The following LAMA2 variants were observed in gnomAD, a reference collection of about 807,000 sequenced individuals.
LAMA2 encodes laminin subunit alpha-2.
Under a neutral mutation model 364.8 loss-of-function variants are expected in LAMA2, and 269 were observed. The observed-to-expected ratio is 0.74, with a 90% CI of 0.67 to 0.82. The LOEUF is 0.82. Ranked by LOEUF, LAMA2 falls within the 40% of genes least tolerant of loss-of-function variation. The probability of loss-of-function intolerance (pLI) is 0.00; values close to 1 mark genes in which losing one functional copy is unlikely to be tolerated. For synonymous variants in LAMA2, 1,379 were observed against 1,370.6 expected (o/e 1.01, Z -0.14); for missense variants, 3,807 against 3,873.2 (o/e 0.98, Z 0.45).
intron 40 of LAMA2, among the ~76,000 whole-genome samples, chr6:129,419,254 T>C (rs1455131834): frequency 6.6e-6 from 1 of 152,118 alleles, no homozygotes; most frequent in Non-Finnish European, 1.5e-5. Flanking sequence ...GCAATCTAAG[T>C]TTGATCTAAT....
intron 1 of LAMA2, among the ~76,000 whole-genome samples, chr6:128,989,854 C>T (rs949693483): frequency 6.6e-6 from 1 of 152,120 alleles, no homozygotes; most frequent in African/African-American, 2.4e-5. Context: ...ATTCAGTGTC[C>T]AGTGAGTACC....
intron 18 of LAMA2, among the ~76,000 whole-genome samples, chr6:129,282,237 T>A (rs576540728): frequency 6.6e-6 from 1 of 152,332 alleles, no homozygotes; most frequent in Admixed American, 6.5e-5. Flanking sequence ...AATTAAGAAA[T>A]CTGTTCAATT....
At chr6:129,033,217 TA>T (rs56962805) in intron 1 of LAMA2, among the ~76,000 whole-genome samples, 9,996 of 140,038 alleles carry the variant, frequency 0.071, 968 homozygotes, top group African/African-American at 0.22. Context: ...TAGTTACTGA[TA>T]AAAAAAAAAA....
chr6:129,428,507 T>G (rs1040593555), intron 41 of LAMA2, among the ~76,000 whole-genome samples: 1 of 152,178 alleles, frequency 6.6e-6, no homozygotes, highest in Non-Finnish European at 1.5e-5. Flanking sequence ...CAGGCTGGAG[T>G]GCAGTGGTGC....
At chr6:129,284,289 G>A (rs920963204) in intron 18 of LAMA2, among the ~76,000 whole-genome samples, 1 of 151,878 alleles carries the variant, frequency 6.6e-6, no homozygotes, top group Non-Finnish European at 1.5e-5. Context: ...TCCTCCATCC[G>A]AGACTAACTA....
At chr6:129,392,351 A>G (rs888620605) in intron 36 of LAMA2, among the ~76,000 whole-genome samples, 8 of 152,202 alleles carry the variant, frequency 5.3e-5, no homozygotes, top group Admixed American at 4.6e-4. Flanking sequence ...AACTTGTTAA[A>G]AATACAGATT....
chr6:129,111,890 C>G (rs540434545), intron 4 of LAMA2, among the ~76,000 whole-genome samples: 1 of 152,030 alleles, frequency 6.6e-6, no homozygotes, highest in East Asian at 1.9e-4. Flanking sequence ...TTGTAAGGAA[C>G]TACATGAAAG....
intron 1 of LAMA2, among the ~76,000 whole-genome samples, chr6:128,950,016 T>C (rs1213322805): frequency 6.6e-6 from 1 of 152,206 alleles, no homozygotes; most frequent in Non-Finnish European, 1.5e-5. Context: ...TAAACAAATA[T>C]ATGTAAATAC....
intron 12 of LAMA2, among the ~76,000 whole-genome samples, chr6:129,196,647 G>A (rs766047504): frequency 6.6e-5 from 10 of 152,030 alleles, no homozygotes; most frequent in African/African-American, 1.2e-4. Flanking sequence ...ACCCCTCCTC[G>A]CCATCCATAA....
intron 4 of LAMA2, among the ~76,000 whole-genome samples, chr6:129,130,703 A>C (rs1777419567): frequency 6.6e-6 from 1 of 152,232 alleles, no homozygotes; most frequent in Non-Finnish European, 1.5e-5. Context: ...TAAGGAACCA[A>C]GTTCACAGTT....
intron 16 of LAMA2, among the ~76,000 whole-genome samples, chr6:129,270,300 C>T (rs917546779): frequency 4.0e-5 from 6 of 151,248 alleles, no homozygotes; most frequent in African/African-American, 1.5e-4. Context: ...CACACACACA[C>T]ACACACACAC....
chr6:128,919,449 G>C (rs1778556888), intron 1 of LAMA2, among the ~76,000 whole-genome samples: 1 of 152,124 alleles, frequency 6.6e-6, no homozygotes, highest in African/African-American at 2.4e-5. Context: ...ATCAATCCTA[G>C]TTCCTTAAAA....
chr6:129,056,809 C>T (rs1562197661), intron 2 of LAMA2, among the ~76,000 whole-genome samples: 1 of 152,208 alleles, frequency 6.6e-6, no homozygotes, highest in East Asian at 1.9e-4. Flanking sequence ...TGGCTCACTG[C>T]AACCTCTACC....
chr6:128,899,214 G>T (rs766250556), intron 1 of LAMA2, among the ~76,000 whole-genome samples: 1 of 152,182 alleles, frequency 6.6e-6, no homozygotes, highest in South Asian at 2.1e-4. Flanking sequence ...ACATGGCTGT[G>T]TTCAGGCTCT....
At chr6:129,214,417 C>A (rs1376368293) in intron 12 of LAMA2, among the ~76,000 whole-genome samples, 1 of 152,186 alleles carries the variant, frequency 6.6e-6, no homozygotes, top group Non-Finnish European at 1.5e-5. Context: ...CAAGGCACCA[C>A]CTCTCAACAT....
chr6:129,361,239 G>A lies in LAMA2; in HGVS notation c.4718-4980G>A, dbSNP rs573941798. 3.3e-5 allele frequency among the ~76,000 whole-genome samples: 5 copies of A among 152,198 alleles called. No homozygotes were observed. In the South Asian group the frequency reaches 1.0e-3, roughly 32 times the overall value. On this transcript the variant is annotated intron_variant, in intron 32 of 64. Transcript: ENST00000421865. ...GAACTTTTAAAACAATGATGAACTT[G>A]GGCTCAGTGAGAGAAGAACCTTCCT...
chr6:129,173,002 A>G (rs1217382232), intron 9 of LAMA2, among the ~76,000 whole-genome samples: 1 of 152,212 alleles, frequency 6.6e-6, no homozygotes, highest in Admixed American at 6.5e-5. Flanking sequence ...GCGCTTCCCA[A>G]GTGAGGCAAT....
rs569301377 is a variant in LAMA2 at position 128,904,532 on chromosome 6, G to A, written c.112+21175G>A. ...TGCAATGGCGTGATCTTGGCTCACT[G>A]CAACCTCCGCCTCCCGGGTTCAAGT... On this transcript the variant is annotated intron_variant, in intron 1 of 64. Coordinates refer to ENST00000421865, the MANE Select transcript of LAMA2 (RefSeq NM_000426.4). Among the ~76,000 whole-genome samples, 3 of 146,812 alleles carry A rather than the reference G, an allele frequency of 2.0e-5. No individual in the cohort carries two copies. In the South Asian group the frequency reaches 6.4e-4, roughly 32 times the overall value.
At chr6:129,189,767 A>G (rs1781424464) in intron 10 of LAMA2, among the ~76,000 whole-genome samples, 1 of 152,176 alleles carries the variant, frequency 6.6e-6, no homozygotes. Context: ...GTTCTATTAT[A>G]CATCCATGCA....
Sources: allele counts gnomAD v4.1 joint callset (sites outside exome capture counted in the v4.1 genomes callset), GRCh38; gene constraint gnomAD v4.1.1; transcripts MANE v1.5; gene names NCBI Gene and HGNC (gene_info 2026-07-23, HGNC 2026-07-21).